Variants in DNAJC12 observed in about 807,000 individuals in gnomAD.
DNAJC12 encodes dnaJ homolog subfamily C member 12.
A neutral mutation model predicts 28.5 loss-of-function variants in DNAJC12; 25 were observed. The observed-to-expected ratio is 0.88, with a 90% confidence interval of 0.64 to 1.22. DNAJC12 has a LOEUF of 1.22. Among genes scored for constraint, DNAJC12 ranks in the 50% most tolerant of loss-of-function variants. The probability of loss-of-function intolerance (pLI) is 0.00; values close to 1 mark genes in which losing one functional copy is unlikely to be tolerated. For missense variants in DNAJC12, 222 were observed against 231.7 expected, an observed-to-expected ratio of 0.96 and a Z score of 0.27; for synonymous variants, 77 against 80.6, an observed-to-expected ratio of 0.95 and a Z score of 0.24.
Position 67,823,725 on chromosome 10 carries a change from T to C in DNAJC12, c.79-333A>G, listed in dbSNP as rs532976802. Among the ~76,000 whole-genome samples the C allele has an allele frequency of 7.3e-5, 11 of 151,266 alleles. No individual in the cohort carries two copies. In the South Asian group the frequency reaches 2.1e-3, roughly 29 times the overall value. On this transcript the variant is annotated intron_variant, in intron 1 of 4. Transcript: ENST00000225171. Reference sequence around the variant, plus strand: ...CAAAAAAAAAAAGGTCAAACTTAAATGGCATGAAGGAAGAAGTTGGGGCAT... The same window carrying C: ...CAAAAAAAAAAAGGTCAAACTTAAACGGCATGAAGGAAGAAGTTGGGGCAT...
intron 3 of DNAJC12, among the ~76,000 whole-genome samples, chr10:67,810,611 T>C (rs531463136): frequency 6.6e-6 from 1 of 152,324 alleles, no homozygotes; most frequent in African/African-American, 2.4e-5. Context: ...AAAGGGAATT[T>C]ATGAGATTTA....
In DNAJC12 at chr10:67,838,070, T is replaced by C; in HGVS notation, c.-59A>G. ...AACAAGAGGCACAGTGAGCTTCGAA[T>C]TAACAGGAAGAAACTCTTTAAATCT... On this transcript the variant is annotated 5_prime_UTR_variant, in exon 1 of 5. Transcript: ENST00000225171. 1 of 1,176,994 alleles carries C rather than the reference T, an allele frequency of 8.5e-7. No individual in the cohort carries two copies. The highest frequency in any genetic ancestry group is 1.2e-6 in the Non-Finnish European group (1 of 804,776). The allele number at this position is 1,176,994 out of a possible 1,614,324, so 72.9% of individuals were successfully genotyped here.
intron 1 of DNAJC12, among the ~76,000 whole-genome samples, chr10:67,832,139 C>T (rs1194447176): frequency 6.6e-6 from 1 of 151,994 alleles, no homozygotes; most frequent in Non-Finnish European, 1.5e-5. Context: ...GTGGCGCATG[C>T]CTGTAATCCC....
Position 67,811,593 on chromosome 10 carries a change from G to C in DNAJC12, c.228C>G (p.Asp76Glu). ...TCGACATCTGGCTCCTTCGCCAGTG[G>C]TCATAGCGGGCTCGACTCTCTTCAT... Reference protein sequence around the residue: ...LTNEESRARYDHWRRSQMSMP... With the variant: ...LTNEESRARYEHWRRSQMSMP... The change falls in exon 3 of 5, where the codon GAC becomes GAG. Residue 76 changes from aspartate to glutamate, a missense_variant. Asp to Glu is a conservative substitution (Grantham distance 45). Coordinates refer to ENST00000225171, the MANE Select transcript of DNAJC12 (RefSeq NM_021800.3). 2.6e-5 allele frequency: 42 copies of C among 1,614,172 alleles called. No individual in the cohort carries two copies. Among genetic ancestry groups the C allele is most frequent in the Non-Finnish European group, 3.6e-5 (42 of 1,180,026 alleles).
intron 3 of DNAJC12, 47 bp downstream of exon 3, chr10:67,811,477 G>A: frequency 6.2e-7 from 1 of 1,611,466 alleles, no homozygotes; most frequent in Non-Finnish European, 8.5e-7. Context: ...TAATCCATGG[G>A]CATCCTGAGC....
intron 2 of DNAJC12, among the ~76,000 whole-genome samples, chr10:67,816,631 C>T (rs974754103): frequency 2.0e-5 from 3 of 151,554 alleles, no homozygotes; most frequent in Non-Finnish European, 4.4e-5. Flanking sequence ...CTGCAACCAC[C>T]GCCTCCTGGG....
At chr10:67,809,864 G>A (rs915511644) in intron 3 of DNAJC12, among the ~76,000 whole-genome samples, 2 of 152,122 alleles carry the variant, frequency 1.3e-5, no homozygotes, top group African/African-American at 4.8e-5. Flanking sequence ...GACGGAGAGT[G>A]AAGGATAAAA....
At chr10:67,809,891 C>G (rs1348586680) in intron 3 of DNAJC12, among the ~76,000 whole-genome samples, 2 of 152,132 alleles carry the variant, frequency 1.3e-5, no homozygotes, top group Non-Finnish European at 2.9e-5. Context: ...ATAATGGGTA[C>G]AATGTATACT....
chr10:67,799,855 C>A (rs560847435), intron 4 of DNAJC12, among the ~76,000 whole-genome samples: 1 of 144,320 alleles, frequency 6.9e-6, no homozygotes, highest in South Asian at 2.2e-4. Flanking sequence ...TGCACTCCAG[C>A]CTGGGCGACA....
intron 3 of DNAJC12, among the ~76,000 whole-genome samples, chr10:67,809,683 T>G (rs560405883): frequency 6.6e-6 from 1 of 152,192 alleles, no homozygotes; most frequent in Admixed American, 6.5e-5. Context: ...TAATATCTTT[T>G]GCAGCAACTT....
intron 4 of DNAJC12, among the ~76,000 whole-genome samples, chr10:67,798,543 G>A (rs1480220068): frequency 1.3e-5 from 2 of 151,898 alleles, no homozygotes; most frequent in African/African-American, 4.8e-5. Context: ...TTAGGCGGGC[G>A]TGGTGGTATG....
chr10:67,820,234 A>T (rs1312631045), intron 2 of DNAJC12, among the ~76,000 whole-genome samples: 4 of 152,238 alleles, frequency 2.6e-5, no homozygotes. Flanking sequence ...ATGGTGAAGG[A>T]GAGCAAAAGG....
At chr10:67,803,922 T>C (rs1841773642) in intron 4 of DNAJC12, among the ~76,000 whole-genome samples, 1 of 152,248 alleles carries the variant, frequency 6.6e-6, no homozygotes. Context: ...GACATCTGAA[T>C]CAAACTCTAT....
At chr10:67,816,582 A>G (rs1216140165) in intron 2 of DNAJC12, among the ~76,000 whole-genome samples, 1 of 144,336 alleles carries the variant, frequency 6.9e-6, no homozygotes, top group Non-Finnish European at 1.5e-5. Context: ...GTCTCTCTCT[A>G]TAGCCCAGGC....
chr10:67,807,716 G>A (rs879783279), intron 3 of DNAJC12, among the ~76,000 whole-genome samples: 5 of 152,186 alleles, frequency 3.3e-5, no homozygotes, highest in South Asian at 2.1e-4. Flanking sequence ...TGGCCTGTAC[G>A]TGATGTATTG....
intron 3 of DNAJC12, among the ~76,000 whole-genome samples, chr10:67,809,472 G>A (rs918433148): frequency 1.3e-5 from 2 of 152,158 alleles, no homozygotes; most frequent in African/African-American, 4.8e-5. Context: ...TCATTGACCT[G>A]GGTGAGGTCT....
rs1554886035 is a variant in DNAJC12 at position 67,835,747 on chromosome 10, C to CATAT, written c.78+2183_78+2186dup. ...ACACACACACACACACACACACACA[C>CATAT]ATATATATAAAGAAGTGACAATATT... On this transcript the variant is annotated intron_variant, in intron 1 of 4. Coordinates refer to ENST00000225171, the MANE Select transcript of DNAJC12 (RefSeq NM_021800.3). Among the ~76,000 whole-genome samples, 835 of 148,050 alleles carry CATAT rather than the reference C, an allele frequency of 5.6e-3. 6 individuals carry two copies. Among genetic ancestry groups the CATAT allele is most frequent in the Non-Finnish European group, 9.6e-3 (648 of 67,342 alleles).
At chr10:67,830,610 AAAATAAATAAATAAATAAAT>A (rs71006172) in intron 1 of DNAJC12, among the ~76,000 whole-genome samples, 416 of 144,876 alleles carry the variant, frequency 2.9e-3, no homozygotes, top group African/African-American at 9.0e-3. Context: ...TCCGTCTCAA[AAAATAAATAAATAAATAAAT>A]AAATAAATAA....
Position 67,805,718 on chromosome 10 carries a change from T to G in DNAJC12, c.367A>C (p.Lys123Gln). 3 of 1,613,340 alleles carry G rather than the reference T, an allele frequency of 1.9e-6. No individual in the cohort carries two copies. The highest frequency in any genetic ancestry group is 8.5e-7 in the Non-Finnish European group (1 of 1,179,846). ...TCATTACATTCCTCATTTTCCATCTTGGTGGTATGAGTCTTGTCAGATTCT... is the reference window on the plus strand; with the variant it reads ...TCATTACATTCCTCATTTTCCATCTGGGTGGTATGAGTCTTGTCAGATTCT... ...LEESDKTHTT[K>Q]MENEECNEQR... Residue 123 changes from lysine (K) to glutamine (Q), a missense_variant, in exon 4 of 5, where the codon AAG (lysine) becomes CAG (glutamine). Physicochemically the swap from Lys to Gln is moderately conservative, Grantham distance 53 (BLOSUM62 1). Coordinates refer to ENST00000225171, the MANE Select transcript of DNAJC12 (RefSeq NM_021800.3).
Sources: gnomAD v4.1 joint callset for allele counts (sites outside exome capture counted in the v4.1 genomes callset) on GRCh38, gnomAD v4.1.1 for gene constraint, MANE v1.5 for transcripts, NCBI Gene and HGNC (gene_info 2026-07-23, HGNC 2026-07-21) for gene names.